The following ABCA5 variants were observed in gnomAD, a reference collection of about 807,000 sequenced individuals.
ABCA5 encodes cholesterol transporter ABCA5.
A neutral mutation model predicts 206.0 loss-of-function variants in ABCA5; 163 were observed. The observed-to-expected ratio is 0.79, with a 90% CI of 0.70 to 0.90. ABCA5 has a LOEUF of 0.90. Ranked by LOEUF, ABCA5 falls within the 40% of genes least tolerant of loss-of-function variation. The pLI, the probability that ABCA5 is intolerant of heterozygous loss-of-function variation, is 0.00. For synonymous variants in ABCA5, 609 were observed against 613.8 expected, an observed-to-expected ratio of 0.99 and a Z score of 0.11; for missense variants, 1,859 against 1,912.9, an observed-to-expected ratio of 0.97 and a Z score of 0.53.
intron 19 of ABCA5, 56 bp downstream of exon 19, chr17:69,277,585 C>T: frequency 1.5e-6 from 2 of 1,379,082 alleles, no homozygotes; most frequent in Non-Finnish European, 2.0e-6. Context: ...ATGGTAAAAC[C>T]AATGTGTATC....
intron 9 of ABCA5, among the ~76,000 whole-genome samples, chr17:69,300,247 G>A (rs977794337): frequency 3.9e-5 from 6 of 152,070 alleles, no homozygotes; most frequent in Non-Finnish European, 5.9e-5. Context: ...TCACATGCGC[G>A]GTTCGCAATA....
At chr17:69,300,256 T>C (rs984590317) in intron 9 of ABCA5, among the ~76,000 whole-genome samples, 19 of 152,132 alleles carry the variant, frequency 1.2e-4, no homozygotes, top group African/African-American at 4.6e-4. Context: ...CGGTTCGCAA[T>C]AGGGTTCATA....
intron 11 of ABCA5, among the ~76,000 whole-genome samples, chr17:69,294,338 C>G (rs1196337219): frequency 2.0e-5 from 3 of 151,960 alleles, no homozygotes; most frequent in African/African-American, 7.2e-5. Context: ...GCCTGGCCAA[C>G]TTGGTGAAAC....
Position 69,302,859 on chromosome 17 carries a change from A to T in ABCA5, c.978T>A (p.His326Gln), listed in dbSNP as rs770006280. 6.3e-6 allele frequency: 10 copies of T among 1,580,430 alleles called. No individual in the cohort carries two copies. Among genetic ancestry groups the T allele is most frequent in the Non-Finnish European group, 8.6e-6 (10 of 1,169,438 alleles). The change falls in exon 8 of 39, where the codon CAT (histidine) becomes CAA (glutamine). Residue 326 changes from histidine to glutamine, a missense_variant. Coordinates refer to ENST00000392676, the MANE Select transcript of ABCA5 (RefSeq NM_172232.4). ...TAACAAAAAATTCAACTATTCCCAC[A>T]TGTTTTGATTTTTTAAAAAGAGGTG... Reference protein sequence around the residue: ...MLTPLFKKSKHVGIVEFFVTV... With the variant: ...MLTPLFKKSKQVGIVEFFVTV...
chr17:69,280,411 C>T (rs11077446), intron 18 of ABCA5, among the ~76,000 whole-genome samples: 141,342 of 147,564 alleles, frequency 0.96, 67,995 homozygotes, highest in East Asian at 1. Flanking sequence ...TATGGAGAAA[C>T]AGGAACACTT....
intron 3 of ABCA5, among the ~76,000 whole-genome samples, chr17:69,312,393 T>A (rs2075778708): frequency 6.6e-6 from 1 of 152,092 alleles, no homozygotes; most frequent in South Asian, 2.1e-4. Context: ...CAAGATCCCA[T>A]CTCTACAAAA....
Position 69,297,188 on chromosome 17 carries a change from T to G in ABCA5, c.1436+3A>C, listed in dbSNP as rs771822400. On this transcript the variant is annotated splice_donor_region_variant and intron_variant, in intron 10 of 38. Transcript: ENST00000392676. The stretch of plus-strand genomic sequence containing the variant: ...ACCTAAATTGCCAAAGATTGAACCA[T>G]ACCTTATGGCTTCTTTTCCTACAAA... 4.3e-6 allele frequency: 7 copies of G among 1,609,994 alleles called. No individual in the cohort carries two copies. Among genetic ancestry groups the G allele is most frequent in the Non-Finnish European group, 5.9e-6 (7 of 1,179,034 alleles).
At chr17:69,277,134 G>T (rs1237868151) in intron 19 of ABCA5, among the ~76,000 whole-genome samples, 1 of 152,130 alleles carries the variant, frequency 6.6e-6, no homozygotes, top group Non-Finnish European at 1.5e-5. Flanking sequence ...TTTGATCCCA[G>T]ATCTACTAGC....
intron 1 of ABCA5, among the ~76,000 whole-genome samples, chr17:69,325,437 T>C (rs983823317): frequency 6.6e-6 from 1 of 152,218 alleles, no homozygotes; most frequent in African/African-American, 2.4e-5. Flanking sequence ...TTCTTATGCA[T>C]AATAGGTCCT....
chr17:69,293,549 T>A (rs952851871), intron 11 of ABCA5, among the ~76,000 whole-genome samples: 28 of 152,184 alleles, frequency 1.8e-4, no homozygotes, highest in Admixed American at 1.8e-3. Context: ...TGAGTTAAAC[T>A]TGATTAGTCT....
chr17:69,286,251 T>C lies in ABCA5; in HGVS notation c.2102A>G (p.Lys701Arg), dbSNP rs373286543. Residue 701 changes from lysine (K) to arginine (R), a missense_variant, in exon 16 of 39, where the codon AAA (lysine) becomes AGA (arginine). Lys to Arg is a conservative substitution (Grantham distance 26). Coordinates refer to ENST00000392676, the MANE Select transcript of ABCA5 (RefSeq NM_172232.4). ...GCGGTAGCCGATCCCCCATTTACTT[T>C]TGAGGAACATTGAAGAACCAACACA... ...LKCVGSSMFLKSKWGIGYRLS... is the reference protein window; with the variant it reads ...LKCVGSSMFLRSKWGIGYRLS... 17 of 1,594,934 alleles carry C rather than the reference T, an allele frequency of 1.1e-5. No individual in the cohort carries two copies. Among genetic ancestry groups the C allele is most frequent in the African/African-American group, 1.4e-5 (1 of 73,394 alleles).
At chr17:69,272,778 CCAGA>C (rs1212767829) in intron 20 of ABCA5, among the ~76,000 whole-genome samples, 1 of 152,050 alleles carries the variant, frequency 6.6e-6, no homozygotes, top group Non-Finnish European at 1.5e-5. Flanking sequence ...TACATCTTTA[CCAGA>C]AAGAATGAAG....
chr17:69,277,965 A>T, intron 18 of ABCA5, 123 bp from the exon 19 acceptor site: 1 of 670,092 alleles, frequency 1.5e-6, no homozygotes. Context: ...GAACTCTCTT[A>T]TATTCTGGCA....
chr17:69,256,253 C>A lies in ABCA5; in HGVS notation c.3762G>T (p.Lys1254Asn). The change falls in exon 29 of 39, where the codon AAG becomes AAT. Residue 1254 changes from lysine (K) to asparagine (N), a missense_variant. Coordinates refer to ENST00000392676, the MANE Select transcript of ABCA5 (RefSeq NM_172232.4). ...RNLSTKSKNRKLPEPPDNEDE... is the reference protein window; with the variant it reads ...RNLSTKSKNRNLPEPPDNEDE... ...CCTCATTGTCTGGTGGTTCTGGAAG[C>A]TTCCTATTTTTAGACTTCGTTGAAA... 1 of 1,605,058 alleles carries A rather than the reference C, an allele frequency of 6.2e-7. No individual in the cohort carries two copies. The highest frequency in any genetic ancestry group is 1.1e-5 in the South Asian group (1 of 89,612).
Position 69,274,067 on chromosome 17 carries a change from AAG to A in ABCA5, c.2654_2655del (p.Ser885PhefsTer2), listed in dbSNP as rs2075304209. 2 of 1,609,272 alleles carry A rather than the reference AAG, an allele frequency of 1.2e-6. No homozygotes were observed. The highest frequency in any genetic ancestry group is 1.7e-6 in the Non-Finnish European group (2 of 1,178,688). On this transcript the variant is annotated frameshift_variant, in exon 20 of 39. Transcript: ENST00000392676. LOFTEE classifies it high-confidence loss of function. ...VQIFMFLVHH[S>X]FKNAVVPIKL... ...TTGATGGGAACCACAGCATTTTTAA[AAG>A]AGTGATGAACCAAAAACATAAAAAT...
chr17:69,308,432 T>C, intron 4 of ABCA5, 64 bp from the exon 5 acceptor site: 1 of 1,118,526 alleles, frequency 8.9e-7, no homozygotes, highest in South Asian at 1.3e-5. Flanking sequence ...GTTTTAAAGA[T>C]ATTATATGGA....
At chr17:69,298,316 G>GAGAGGAAGGAAGGA (rs1555582961) in intron 9 of ABCA5, among the ~76,000 whole-genome samples, 1 of 42,058 alleles carries the variant, frequency 2.4e-5, no homozygotes, top group Non-Finnish European at 6.3e-5. Flanking sequence ...AAGAGAGAGA[G>GAGAGGAAGGAAGGA]AGGAAGGAAG....
At chr17:69,316,065 C>G (rs1407621329) in intron 1 of ABCA5, among the ~76,000 whole-genome samples, 2 of 152,014 alleles carry the variant, frequency 1.3e-5, no homozygotes, top group Non-Finnish European at 2.9e-5. Flanking sequence ...ATAAATAAAA[C>G]TCATGGAGTG....
At chr17:69,261,478 G>T (rs2075146596) in intron 25 of ABCA5, among the ~76,000 whole-genome samples, 157 bp downstream of exon 25, 1 of 151,994 alleles carries the variant, frequency 6.6e-6, no homozygotes, top group Non-Finnish European at 1.5e-5. Context: ...TGGAAAGGAT[G>T]ATTCAGAAGA....
Sources: allele counts gnomAD v4.1 joint callset (sites outside exome capture counted in the v4.1 genomes callset), GRCh38; gene constraint gnomAD v4.1.1; transcripts MANE v1.5; gene names NCBI Gene and HGNC (gene_info 2026-07-23, HGNC 2026-07-21).